The following GRIA2 variants were observed in gnomAD, a reference collection of about 807,000 sequenced individuals.
GRIA2 encodes glutamate ionotropic receptor AMPA type subunit 2.
A neutral mutation model predicts 97.3 loss-of-function variants in GRIA2; 14 were observed. That is an observed-to-expected ratio of 0.14 (90% CI 0.10 to 0.23). The LOEUF is 0.23. Ranked by LOEUF, GRIA2 falls within the 10% of genes least tolerant of loss-of-function variation. GRIA2 has a pLI of 1.00. For synonymous variants in GRIA2, 412 were observed against 387.8 expected (o/e 1.06, Z -0.73); for missense variants, 558 against 1,069.8 (o/e 0.52, Z 6.67).
At chr4:157,261,044 C>A (rs1301647615) in intron 2 of GRIA2, among the ~76,000 whole-genome samples, 2 of 152,070 alleles carry the variant, frequency 1.3e-5, no homozygotes, top group East Asian at 3.9e-4. Context: ...TGTATTAGTC[C>A]ATTCTCATGC....
intron 12 of GRIA2, among the ~76,000 whole-genome samples, chr4:157,356,140 T>G (rs1736354317): frequency 7.6e-6 from 1 of 131,162 alleles, no homozygotes; most frequent in Non-Finnish European, 1.6e-5. Flanking sequence ...TATATTTATA[T>G]ATTTATATTT....
intron 2 of GRIA2, 72 bp downstream of exon 2, chr4:157,221,879 T>A: frequency 7.1e-7 from 1 of 1,408,028 alleles, no homozygotes; most frequent in Non-Finnish European, 1.0e-6. Context: ...TGTGTGTGCG[T>A]TTCTGGGGTG....
At chr4:157,230,693 T>G (rs1225892965) in intron 2 of GRIA2, among the ~76,000 whole-genome samples, 5 of 152,082 alleles carry the variant, frequency 3.3e-5, no homozygotes. Context: ...TGCATGTCTG[T>G]GGTCAATCTT....
intron 2 of GRIA2, among the ~76,000 whole-genome samples, chr4:157,278,607 A>C (rs893778757): frequency 2.0e-5 from 3 of 152,030 alleles, no homozygotes; most frequent in African/African-American, 7.2e-5. Flanking sequence ...CTATGAAAGA[A>C]ATACTTACTG....
chr4:157,279,324 A>C (rs986835557), intron 2 of GRIA2, among the ~76,000 whole-genome samples: 3 of 152,134 alleles, frequency 2.0e-5, no homozygotes, highest in Admixed American at 6.6e-5. Context: ...GTATATTACT[A>C]AGTGAACAAA....
chr4:157,339,046 A>G (rs1418364916), intron 11 of GRIA2, among the ~76,000 whole-genome samples: 1 of 151,912 alleles, frequency 6.6e-6, no homozygotes, highest in Non-Finnish European at 1.5e-5. Context: ...TGTAATCTAG[A>G]GTTATTTATT....
At chr4:157,285,469 A>G (rs892221304) in intron 2 of GRIA2, among the ~76,000 whole-genome samples, 10 of 151,494 alleles carry the variant, frequency 6.6e-5, no homozygotes, top group Admixed American at 4.0e-4. Flanking sequence ...CTTTTCCTAT[A>G]TTTAATTTAC....
chr4:157,349,720 AAC>A (rs1735923990), intron 12 of GRIA2, among the ~76,000 whole-genome samples: 1 of 152,156 alleles, frequency 6.6e-6, no homozygotes, highest in Non-Finnish European at 1.5e-5. Flanking sequence ...ATAGTTTGCT[AAC>A]ACAACCAATT....
chr4:157,338,475 A>G (rs1207297933), intron 11 of GRIA2, among the ~76,000 whole-genome samples: 5 of 152,038 alleles, frequency 3.3e-5, no homozygotes, highest in Non-Finnish European at 1.5e-5. Context: ...ATTTGCACAC[A>G]GGGACTGGAG....
chr4:157,282,396 T>A (rs1264594122), intron 2 of GRIA2, among the ~76,000 whole-genome samples: 1 of 151,316 alleles, frequency 6.6e-6, no homozygotes, highest in East Asian at 1.9e-4. Flanking sequence ...TAAAAGAAGA[T>A]TCTAGAAAAG....
chr4:157,362,745 C>A (rs1008631457), intron 14 of GRIA2, 54 bp from the exon 15 acceptor site: 27 of 1,493,156 alleles, frequency 1.8e-5, no homozygotes, highest in Non-Finnish European at 2.4e-5. Context: ...TTGCTGTTCT[C>A]TTCTATTCAC....
chr4:157,320,471 A>G (rs1391641285), intron 5 of GRIA2, among the ~76,000 whole-genome samples: 1 of 152,164 alleles, frequency 6.6e-6, no homozygotes, highest in African/African-American at 2.4e-5. Flanking sequence ...TACCTACGGT[A>G]AAACAGAATA....
chr4:157,266,539 A>T (rs1009900528), intron 2 of GRIA2, among the ~76,000 whole-genome samples: 5 of 152,072 alleles, frequency 3.3e-5, no homozygotes, highest in African/African-American at 1.2e-4. Context: ...TGTTAGCTAG[A>T]GAAACAAAAG....
intron 2 of GRIA2, among the ~76,000 whole-genome samples, chr4:157,269,960 G>T (rs541513269): frequency 6.6e-6 from 1 of 151,638 alleles, no homozygotes; most frequent in Non-Finnish European, 1.5e-5. Flanking sequence ...AAATAAACTC[G>T]GATTTTTCTA....
intron 3 of GRIA2, among the ~76,000 whole-genome samples, chr4:157,309,602 G>A (rs1236162988): frequency 1.3e-5 from 2 of 151,910 alleles, no homozygotes; most frequent in Non-Finnish European, 2.9e-5. Flanking sequence ...TCTGCCCACC[G>A]CACCTGGCGC....
rs149144627 is a variant in GRIA2, at chr4:157,359,946, G to A, written c.2094G>A (p.Ala698=). The change falls in exon 13 of 16, where the codon GCG becomes GCA. Residue 698 remains alanine, a synonymous_variant. Coordinates refer to ENST00000264426, the MANE Select transcript of GRIA2 (RefSeq NM_001083619.3). ...AAATGTGGACCTACATGCGGAGTGCGGAGCCCTCTGTGTTTGTGAGGACTA... is the reference window on the plus strand; with the variant it reads ...AAATGTGGACCTACATGCGGAGTGCAGAGCCCTCTGTGTTTGTGAGGACTA... The part of the protein sequence containing the change: ...FDKMWTYMRS[A]EPSVFVRTTA... The A allele has an allele frequency of 3.3e-4, 536 of 1,613,416 alleles. 2 individuals are homozygous for A. In the African/African-American group the frequency reaches 4.2e-3, roughly 13 times the overall value.
intron 2 of GRIA2, among the ~76,000 whole-genome samples, chr4:157,274,267 G>A (rs1246945385): frequency 6.6e-6 from 1 of 151,872 alleles, no homozygotes; most frequent in Admixed American, 6.6e-5. Flanking sequence ...CAGATATGCA[G>A]ATTTACATAA....
intron 2 of GRIA2, among the ~76,000 whole-genome samples, chr4:157,295,157 G>A (rs1733287382): frequency 2.6e-5 from 4 of 152,010 alleles, no homozygotes; most frequent in African/African-American, 9.7e-5. Context: ...CATATAATAT[G>A]GGCAACAGCA....
At chr4:157,222,128 G>T (rs970276135) in intron 2 of GRIA2, among the ~76,000 whole-genome samples, 5 of 152,100 alleles carry the variant, frequency 3.3e-5, no homozygotes, top group Admixed American at 3.3e-4. Flanking sequence ...AGTGCTTCAG[G>T]AGAAGCCCTC....
Sources: allele counts gnomAD v4.1 joint callset (sites outside exome capture counted in the v4.1 genomes callset), GRCh38; gene constraint gnomAD v4.1.1; transcripts MANE v1.5; gene names NCBI Gene and HGNC (gene_info 2026-07-23, HGNC 2026-07-21).